Variants in PARVG observed in about 807,000 individuals in gnomAD.
PARVG encodes the protein parvin gamma, also known as gamma-parvin.
In PARVG, 36 loss-of-function variants were observed where a neutral mutation model predicts 44.4. That is an observed-to-expected ratio of 0.81 (90% CI 0.62 to 1.07). The LOEUF (loss-of-function observed/expected upper bound fraction) is 1.07. Ranked by LOEUF, PARVG falls within the 50% of genes least tolerant of loss-of-function variation. PARVG has a pLI of 0.00. For synonymous variants in PARVG, 170 were observed against 174.1 expected, an observed-to-expected ratio of 0.98 and a Z score of 0.19; for missense variants, 407 against 407.4, an observed-to-expected ratio of 1.00 and a Z score of 0.01.
intron 12 of PARVG, among the ~76,000 whole-genome samples, chr22:44,203,908 A>G (rs2054744405): frequency 1.3e-5 from 2 of 152,134 alleles, no homozygotes; most frequent in Non-Finnish European, 2.9e-5. Flanking sequence ...GCAGTGGTGC[A>G]ATCTTGGCTC....
chr22:44,198,961 T>TC (rs2054663980), intron 12 of PARVG, among the ~76,000 whole-genome samples: 1 of 73,564 alleles, frequency 1.4e-5, no homozygotes. Flanking sequence ...CATCCATCCA[T>TC]CCATCCATCC....
intron 9 of PARVG, 61 bp downstream of exon 9, chr22:44,193,884 G>C (rs952599218): frequency 6.3e-7 from 1 of 1,588,660 alleles, no homozygotes; most frequent in Admixed American, 1.7e-5. Flanking sequence ...ATGCAGACAA[G>C]TCTTAATGCA....
chr22:44,193,766 T>A (rs1266823692), intron 8 of PARVG, 35 bp from the exon 9 acceptor site: 3 of 1,608,422 alleles, frequency 1.9e-6, no homozygotes, highest in Non-Finnish European at 2.5e-6. Flanking sequence ...GTTTTTTTTT[T>A]AACCATTTGT....
chr22:44,205,640 G>A, intron 12 of PARVG, 117 bp from the exon 13 acceptor site: 5 of 1,218,870 alleles, frequency 4.1e-6, no homozygotes, highest in Non-Finnish European at 5.9e-6. Context: ...ACCTTGGATG[G>A]GAGTTTAGGC....
upstream of PARVG, among the ~76,000 whole-genome samples, chr22:44,178,614 C>G (rs1236270374): frequency 6.6e-6 from 1 of 152,122 alleles, no homozygotes; most frequent in Non-Finnish European, 1.5e-5. Context: ...AAAAATCAGT[C>G]CACAGAAGCA....
intron 4 of PARVG, 80 bp downstream of exon 4, chr22:44,185,952 C>T (rs2054461887): frequency 4.3e-6 from 6 of 1,405,390 alleles, no homozygotes; most frequent in Non-Finnish European, 5.9e-6. Flanking sequence ...GCGGGGACAG[C>T]AGGCTGTCCC....
intron 11 of PARVG, 122 bp downstream of exon 11, chr22:44,196,537 T>C: frequency 8.4e-7 from 1 of 1,196,894 alleles, no homozygotes; most frequent in South Asian, 1.3e-5. Flanking sequence ...CTTGGAGCCT[T>C]AGGGTCCCCC....
chr22:44,205,413 A>C (rs1290022927), intron 12 of PARVG, among the ~76,000 whole-genome samples: 3 of 152,172 alleles, frequency 2.0e-5, no homozygotes, highest in Non-Finnish European at 4.4e-5. Flanking sequence ...CTCCACCAGG[A>C]AGCCTTCCCT....
chr22:44,198,922 C>G (rs2054657771), intron 12 of PARVG, among the ~76,000 whole-genome samples, 200 bp downstream of exon 12: 1 of 90,252 alleles, frequency 1.1e-5, no homozygotes. Context: ...ATCCATCCAT[C>G]TACCCATCCA....
rs1347608798 is a variant in PARVG at position 44,195,486 on chromosome 22, G to A, written c.584-669G>A. Reference sequence around the variant, plus strand: ...GAGGTATGTTAGCTGCAAATAGCAGGAATCCAGCTAGTGCACAAAGGGCAT... The same window carrying A: ...GAGGTATGTTAGCTGCAAATAGCAGAAATCCAGCTAGTGCACAAAGGGCAT... On this transcript the variant is annotated intron_variant, in intron 9 of 13. Transcript: ENST00000444313. 2.6e-5 allele frequency among the ~76,000 whole-genome samples: 4 copies of A among 152,182 alleles called. No homozygotes were observed. In the East Asian group the frequency reaches 7.7e-4, roughly 29 times the overall value.
intron 12 of PARVG, 121 bp from the exon 13 acceptor site, chr22:44,205,636 G>A (rs991319018): frequency 7.6e-6 from 9 of 1,177,480 alleles, no homozygotes; most frequent in Non-Finnish European, 1.1e-5. Flanking sequence ...GCCCACCTTG[G>A]ATGGGAGTTT....
intron 3 of PARVG, 27 bp from the exon 4 acceptor site, chr22:44,185,781 C>T (rs756290520): frequency 1.9e-5 from 30 of 1,602,682 alleles, no homozygotes; most frequent in Admixed American, 3.3e-5. Context: ...GGTCCCCATG[C>T]GCTTGTCATA....
chr22:44,186,574 C>G (rs1161261929), intron 4 of PARVG: 2 of 471,210 alleles, frequency 4.2e-6, no homozygotes, highest in East Asian at 1.4e-4. Context: ...CACCTTTGAC[C>G]AGCACACCTG....
chr22:44,181,934 G>A lies in PARVG; in HGVS notation c.-13+17G>A, dbSNP rs944110546. The A allele has an allele frequency of 8.1e-6, 8 of 985,638 alleles. No homozygotes were observed. The highest frequency in any genetic ancestry group is 8.4e-6 in the Non-Finnish European group (7 of 830,084). 61.1% of individuals were successfully genotyped at this position (985,638 alleles called of 1,614,324 possible). The stretch of plus-strand genomic sequence containing the variant: ...AGCGGTTGGGTGAGTTCTGGCATCG[G>A]GGCCACCATACTTGAGTGTTGGGGG... On this transcript the variant is annotated intron_variant, in intron 2 of 13. Transcript: ENST00000444313.
intron 13 of PARVG, 75 bp downstream of exon 13, chr22:44,205,904 G>T: frequency 6.6e-7 from 1 of 1,519,798 alleles, no homozygotes; most frequent in South Asian, 1.2e-5. Flanking sequence ...AGAACAGGGT[G>T]CAGGGCATTG....
rs1481467789 is a variant in PARVG, at chr22:44,192,129, G to T, written c.560+25G>T. 1.9e-6 allele frequency: 3 copies of T among 1,611,380 alleles called. No homozygotes were observed. In the African/African-American group the frequency reaches 4.0e-5, roughly 22 times the overall value. On this transcript the variant is annotated intron_variant, in intron 8 of 13. Coordinates refer to ENST00000444313, the MANE Select transcript of PARVG (RefSeq NM_022141.7). ...GGTGAGGGAAGGATGAGGGCCCATGGGTGGGGCTGGGGCTCACAGCGGTGG... is the reference window on the plus strand; with the variant it reads ...GGTGAGGGAAGGATGAGGGCCCATGTGTGGGGCTGGGGCTCACAGCGGTGG...
chr22:44,198,925 CCCATCCATCCATCCACCCACCCATCCAT>C lies in PARVG; in HGVS notation c.813+219_813+246del, dbSNP rs1428294794. Among the ~76,000 whole-genome samples the C allele has an allele frequency of 1.2e-3, 56 of 46,280 alleles. 5 individuals are homozygous for C. The highest frequency in any genetic ancestry group is 2.5e-3 in the Non-Finnish European group (47 of 18,910). 30.4% of individuals were successfully genotyped at this position (46,280 alleles called of 152,430 possible). A position where few individuals can be genotyped will look rare whatever the true frequency, so the allele number is the denominator to read the frequency against. On this transcript the variant is annotated intron_variant, in intron 12 of 13. Transcript: ENST00000444313. ...ATCCATCTACCCATCCATCCATCTACCCATCCATCCATCCACCCACCCATCCATCCATCCATCCATCCATCCATCCATC... is the reference window on the plus strand; with the variant it reads ...ATCCATCTACCCATCCATCCATCTACCCATCCATCCATCCATCCATCCATC...
chr22:44,199,509 G>A (rs1469007383), intron 12 of PARVG, among the ~76,000 whole-genome samples: 1 of 152,210 alleles, frequency 6.6e-6, no homozygotes, highest in Non-Finnish European at 1.5e-5. Flanking sequence ...TGAACTGCAT[G>A]GGATGTTAAG....
intron 5 of PARVG, 71 bp downstream of exon 5, chr22:44,187,949 A>G: frequency 6.8e-7 from 1 of 1,472,262 alleles, no homozygotes. Context: ...CAGGGCCCAC[A>G]GGTAGGCTCT....
Sources: gnomAD v4.1 joint callset for allele counts (sites outside exome capture counted in the v4.1 genomes callset) on GRCh38, gnomAD v4.1.1 for gene constraint, MANE v1.5 for transcripts, NCBI Gene and HGNC (gene_info 2026-07-23, HGNC 2026-07-21) for gene names.